The following MAL2 variants were observed in gnomAD, a reference collection of about 807,000 sequenced individuals.
The protein encoded by MAL2 is protein MAL2.
Under a neutral mutation model 18.1 loss-of-function variants are expected in MAL2, and 17 were observed. The ratio of observed to expected loss-of-function variants is 0.94; its 90% CI spans 0.64 to 1.41. MAL2 has a LOEUF of 1.41. MAL2 is among the 40% of genes most tolerant of loss of function. MAL2 has a pLI of 0.00. For synonymous variants in MAL2, 102 were observed against 102.3 expected, an observed-to-expected ratio of 1.00 and a Z score of 0.02; for missense variants, 222 against 231.9, an observed-to-expected ratio of 0.96 and a Z score of 0.28.
At chr8:119,234,113 G>A (rs540617527) in intron 2 of MAL2, among the ~76,000 whole-genome samples, 9 of 152,284 alleles carry the variant, frequency 5.9e-5, no homozygotes, top group African/African-American at 1.2e-4. Context: ...CACCGTGCGC[G>A]AGCCGAAGCA....
At chr8:119,233,011 TG>T (rs1563775304) in intron 2 of MAL2, among the ~76,000 whole-genome samples, 2 of 6,102 alleles carry the variant, frequency 3.3e-4, no homozygotes, top group Non-Finnish European at 0.013. Context: ...CTTCCAACTA[TG>T]TGGTCAATTT....
At chr8:119,225,672 C>G (rs1478867469) in intron 2 of MAL2, among the ~76,000 whole-genome samples, 2 of 152,180 alleles carry the variant, frequency 1.3e-5, no homozygotes, top group Admixed American at 6.5e-5. Context: ...ATTCCTAGTT[C>G]TAGATCCCTG....
intron 2 of MAL2, among the ~76,000 whole-genome samples, chr8:119,228,668 A>G (rs1026130696): frequency 2.0e-5 from 3 of 152,170 alleles, no homozygotes; most frequent in Non-Finnish European, 4.4e-5. Flanking sequence ...CCTTGATCAG[A>G]GACTGAGTGA....
intron 2 of MAL2, among the ~76,000 whole-genome samples, chr8:119,228,762 A>G (rs1428342716): frequency 2.0e-5 from 3 of 152,128 alleles, no homozygotes; most frequent in Non-Finnish European, 4.4e-5. Context: ...TCGATGCCCT[A>G]GGTAATTAAT....
In MAL2 at chr8:119,226,290, C is replaced by T. The variant is rs1416204799; in HGVS notation, c.303+4533C>T. 2.0e-5 allele frequency among the ~76,000 whole-genome samples: 3 copies of T among 152,040 alleles called. No homozygotes were observed. The South Asian group carries it at 6.2e-4, about 32-fold the overall frequency. On this transcript the variant is annotated intron_variant, in intron 2 of 3. Transcript: ENST00000614891. ...GTTTTAGGTCTAACATTTAAGTCTT[C>T]AATCCATCTTGAATTAATTTTTGTA...
intron 2 of MAL2, among the ~76,000 whole-genome samples, chr8:119,225,798 T>G (rs915840503): frequency 4.5e-4 from 68 of 152,332 alleles, no homozygotes; most frequent in Non-Finnish European, 8.4e-4. Context: ...CCTGACTTTT[T>G]AATGATTGCC....
chr8:119,241,506 A>T (rs577861820), intron 3 of MAL2, among the ~76,000 whole-genome samples: 2 of 152,154 alleles, frequency 1.3e-5, no homozygotes. Context: ...GAGAAAGATA[A>T]CTAGTATGAC....
At chr8:119,219,520 GGTGTGT>G (rs143315878) in intron 1 of MAL2, among the ~76,000 whole-genome samples, 66,295 of 147,580 alleles carry the variant, frequency 0.45, 15,665 homozygotes, top group South Asian at 0.54. Flanking sequence ...ACTCTCCCTG[GGTGTGT>G]GTGTGTGTGT....
intron 2 of MAL2, among the ~76,000 whole-genome samples, chr8:119,222,078 G>A (rs1457601346): frequency 1.3e-5 from 2 of 151,978 alleles, no homozygotes; most frequent in African/African-American, 4.8e-5. Flanking sequence ...AATGCCTTTG[G>A]GAACTAAACA....
intron 1 of MAL2, among the ~76,000 whole-genome samples, chr8:119,219,817 C>G (rs1227782377): frequency 1.3e-5 from 2 of 151,938 alleles, no homozygotes; most frequent in African/African-American, 4.8e-5. Context: ...TGTAACAAAG[C>G]CCAGTAGGGA....
chr8:119,209,364 G>C (rs960679591), intron 1 of MAL2, among the ~76,000 whole-genome samples: 7 of 152,096 alleles, frequency 4.6e-5, no homozygotes, highest in Non-Finnish European at 7.4e-5. Flanking sequence ...CACTTTGTTG[G>C]GCCCAAGTAA....
rs577780091 is a variant in MAL2 at position 119,230,332 on chromosome 8, T to TAAAAGATGAAAGGGGAAGAAATAGG, written c.303+8577_303+8601dup. Among the ~76,000 whole-genome samples, 209 of 150,468 alleles carry TAAAAGATGAAAGGGGAAGAAATAGG rather than the reference T, an allele frequency of 1.4e-3. 1 individual carries two copies. Among genetic ancestry groups the TAAAAGATGAAAGGGGAAGAAATAGG allele is most frequent in the African/African-American group, 4.8e-3 (196 of 40,886 alleles). On this transcript the variant is annotated intron_variant, in intron 2 of 3. Transcript: ENST00000614891. ...GAAGTGTGTTGGGAATTAACACCTATAAAAGATGAAAGGGGAAGAAATAGG... is the reference window on the plus strand; with the variant it reads ...GAAGTGTGTTGGGAATTAACACCTATAAAAGATGAAAGGGGAAGAAATAGGAAAAGATGAAAGGGGAAGAAATAGG...
At chr8:119,236,390 T>C (rs1007257673) in intron 2 of MAL2, among the ~76,000 whole-genome samples, 2 of 151,358 alleles carry the variant, frequency 1.3e-5, no homozygotes, top group Admixed American at 6.6e-5. Flanking sequence ...ATCAATGAGA[T>C]AGAAAGTCAA....
intron 2 of MAL2, among the ~76,000 whole-genome samples, chr8:119,239,270 AAAC>A (rs1817991875): frequency 6.6e-6 from 1 of 152,116 alleles, no homozygotes; most frequent in African/African-American, 2.4e-5. Context: ...AAAAGTCAGG[AAAC>A]AACAGGTGCT....
intron 2 of MAL2, among the ~76,000 whole-genome samples, chr8:119,236,440 G>A (rs552399364): frequency 2.6e-5 from 4 of 151,556 alleles, no homozygotes; most frequent in African/African-American, 9.7e-5. Flanking sequence ...TGCACCAAGT[G>A]GACCTAATAG....
intron 1 of MAL2, among the ~76,000 whole-genome samples, chr8:119,211,158 A>C (rs1817262923): frequency 6.6e-6 from 1 of 152,186 alleles, no homozygotes; most frequent in South Asian, 2.1e-4. Context: ...ATTTCCATCT[A>C]ATTTTCTGAT....
chr8:119,228,607 A>C (rs1817645588), intron 2 of MAL2, among the ~76,000 whole-genome samples: 1 of 152,080 alleles, frequency 6.6e-6, no homozygotes, highest in African/African-American at 2.4e-5. Context: ...TACATGATGC[A>C]GCCCATGGGT....
At chr8:119,209,470 T>G (rs1332663258) in intron 1 of MAL2, among the ~76,000 whole-genome samples, 1 of 152,224 alleles carries the variant, frequency 6.6e-6, no homozygotes, top group Non-Finnish European at 1.5e-5. Context: ...AAGCTCCTTG[T>G]GGACAAGTAG....
chr8:119,216,449 ATGT>A (rs1303496809), intron 1 of MAL2, among the ~76,000 whole-genome samples: 3 of 152,146 alleles, frequency 2.0e-5, no homozygotes, highest in Non-Finnish European at 4.4e-5. Context: ...AGGAATAATA[ATGT>A]TGTCTCTCAA....
Sources: allele counts gnomAD v4.1 joint callset (sites outside exome capture counted in the v4.1 genomes callset), GRCh38; gene constraint gnomAD v4.1.1; transcripts MANE v1.5; gene names NCBI Gene and HGNC (gene_info 2026-07-23, HGNC 2026-07-21).